Variants in SOX5 observed in about 807,000 individuals in gnomAD.
SOX5 encodes transcription factor SOX-5.
In SOX5, 9 loss-of-function variants were observed where a neutral mutation model predicts 92.0. The ratio of observed to expected loss-of-function variants is 0.10; its 90% CI spans 0.06 to 0.17. The LOEUF is 0.17. SOX5 is among the 10% of genes least tolerant of loss of function. The pLI, the probability that SOX5 is intolerant of heterozygous loss-of-function variation, is 1.00. For missense variants in SOX5, 642 were observed against 944.5 expected (o/e 0.68, Z 4.20); for synonymous variants, 344 against 336.3 (o/e 1.02, Z -0.25).
chr12:23,668,061 T>C (rs1217526586), intron 6 of SOX5, among the ~76,000 whole-genome samples: 1 of 152,156 alleles, frequency 6.6e-6, no homozygotes, highest in Non-Finnish European at 1.5e-5. Flanking sequence ...TTTAAAAAGC[T>C]CCCAAGCATA....
intron 1 of SOX5, among the ~76,000 whole-genome samples, chr12:24,559,868 A>G (rs1954165398): frequency 6.6e-6 from 1 of 152,310 alleles, no homozygotes; most frequent in Middle Eastern, 3.4e-3. Flanking sequence ...AACTAACTTA[A>G]TTTGAATTAG....
chr12:24,145,419 T>C (rs902079485), intron 4 of SOX5, among the ~76,000 whole-genome samples: 7 of 152,156 alleles, frequency 4.6e-5, no homozygotes, highest in African/African-American at 1.4e-4. Context: ...TCTAACTACG[T>C]GCACTTGACA....
intron 10 of SOX5, among the ~76,000 whole-genome samples, chr12:23,567,998 C>A (rs933644404): frequency 1.1e-4 from 17 of 151,990 alleles, no homozygotes; most frequent in African/African-American, 4.1e-4. Flanking sequence ...ATTGTGTCTG[C>A]CCAAAAGATA....
At chr12:24,033,824 A>T (rs1457966849) in intron 4 of SOX5, among the ~76,000 whole-genome samples, 2 of 152,102 alleles carry the variant, frequency 1.3e-5, no homozygotes, top group Admixed American at 1.3e-4. Context: ...AAAAGAAGAC[A>T]CAATGCTACC....
chr12:23,683,231 G>A (rs2086920864), intron 6 of SOX5, among the ~76,000 whole-genome samples: 1 of 151,850 alleles, frequency 6.6e-6, no homozygotes, highest in Non-Finnish European at 1.5e-5. Context: ...ATACATAATA[G>A]AGATTTCTTA....
rs58736325 is a variant in SOX5, at chr12:24,082,404, GAAAAAAAAAAAAAAAA to G, written c.-2+130923_-2+130938del. Among the ~76,000 whole-genome samples, 57 of 73,462 alleles carry G rather than the reference GAAAAAAAAAAAAAAAA, an allele frequency of 7.8e-4. 1 individual carries two copies. Among genetic ancestry groups the G allele is most frequent in the Admixed American group, 4.2e-3 (19 of 4,506 alleles). 48.2% of individuals were successfully genotyped at this position (73,462 alleles called of 152,430 possible). On this transcript the variant is annotated intron_variant, in intron 4 of 4. Transcript: ENST00000446891. ...TCACCAGGGCTGCTCCTTTCGAAAA[GAAAAAAAAAAAAAAAA>G]AAAAAAAAAAAAAAGATGTATCCAG...
At chr12:24,291,662 T>C (rs867286759) in intron 2 of SOX5, among the ~76,000 whole-genome samples, 5 of 152,254 alleles carry the variant, frequency 3.3e-5, no homozygotes, top group East Asian at 3.8e-4. Context: ...AAGTTACTAA[T>C]ATAGTATGTT....
rs549185220 is a variant in SOX5, at chr12:23,960,219, G to C, written c.-1-64195C>G. ...GAGCCCACATATGTTTACACAAGAA[G>C]AGAAAAAGTAAGCCACAGAGAGAAC... On this transcript the variant is annotated intron_variant, in intron 4 of 4. Coordinates refer to the SOX5 transcript ENST00000446891. 1.7e-3 allele frequency among the ~76,000 whole-genome samples: 252 copies of C among 152,104 alleles called. 2 individuals carry two copies. Among genetic ancestry groups the C allele is most frequent in the African/African-American group, 5.6e-3 (233 of 41,486 alleles).
intron 8 of SOX5, among the ~76,000 whole-genome samples, chr12:23,612,116 T>G (rs2137778463): frequency 6.6e-6 from 1 of 152,188 alleles, no homozygotes; most frequent in East Asian, 1.9e-4. Context: ...TTTATACGTA[T>G]TATCCTTTTC....
intron 1 of SOX5, among the ~76,000 whole-genome samples, chr12:24,421,792 G>T (rs968677690): frequency 6.6e-6 from 1 of 152,196 alleles, no homozygotes; most frequent in Non-Finnish European, 1.5e-5. Flanking sequence ...TTAAAAGTGT[G>T]CTCATTTTCC....
At chr12:23,781,665 ACTCTCT>A (rs140301844) in intron 3 of SOX5, among the ~76,000 whole-genome samples, 2 of 143,708 alleles carry the variant, frequency 1.4e-5, no homozygotes, top group Admixed American at 6.9e-5. Context: ...AATGTGTTGT[ACTCTCT>A]CTCTCTCTCT....
At chr12:23,563,204 C>T in intron 11 of SOX5, 54 bp downstream of exon 11, 7 of 1,384,250 alleles carry the variant, frequency 5.1e-6, no homozygotes, top group Non-Finnish European at 7.0e-6. Flanking sequence ...TTTAAAAAAG[C>T]ATTAGGCAAT....
chr12:24,301,535 T>A (rs56356923), intron 2 of SOX5, among the ~76,000 whole-genome samples: 3,071 of 152,258 alleles, frequency 0.02, 44 homozygotes, highest in Middle Eastern at 0.048. Context: ...AAAATGTAAC[T>A]TTGTGGAAAG....
chr12:24,109,373 C>T (rs751815313), intron 4 of SOX5, among the ~76,000 whole-genome samples: 3 of 151,988 alleles, frequency 2.0e-5, no homozygotes, highest in African/African-American at 7.2e-5. Flanking sequence ...ACTACAAAAG[C>T]GTTGCACCAA....
intron 6 of SOX5, among the ~76,000 whole-genome samples, chr12:23,687,319 G>GTA (rs1376233466): frequency 1.3e-5 from 2 of 151,954 alleles, no homozygotes; most frequent in Non-Finnish European, 2.9e-5. Flanking sequence ...GGAAGTTTGT[G>GTA]TATATATACA....
chr12:24,439,436 T>C (rs995812462), intron 1 of SOX5, among the ~76,000 whole-genome samples: 3 of 152,216 alleles, frequency 2.0e-5, no homozygotes, highest in African/African-American at 7.2e-5. Flanking sequence ...TTCATCTATC[T>C]AGAAGGACTA....
chr12:24,043,173 T>C (rs1211707944), intron 4 of SOX5, among the ~76,000 whole-genome samples: 1 of 152,200 alleles, frequency 6.6e-6, no homozygotes, highest in Non-Finnish European at 1.5e-5. Context: ...AAGGAAGTAA[T>C]TGTTTTTGTT....
intron 4 of SOX5, among the ~76,000 whole-genome samples, chr12:24,089,945 A>G (rs1277548697): frequency 2.0e-5 from 3 of 152,172 alleles, no homozygotes; most frequent in African/African-American, 7.2e-5. Context: ...GTTATATAGG[A>G]AATGGAAAGC....
intron 2 of SOX5, among the ~76,000 whole-genome samples, chr12:23,889,965 GTATT>G (rs1274992565): frequency 2.6e-5 from 4 of 152,094 alleles, no homozygotes; most frequent in Non-Finnish European, 5.9e-5. Flanking sequence ...TACACACACA[GTATT>G]TATTTCATAA....
Sources: gnomAD v4.1 joint callset for allele counts (sites outside exome capture counted in the v4.1 genomes callset) on GRCh38, gnomAD v4.1.1 for gene constraint, MANE v1.5 for transcripts, NCBI Gene and HGNC (gene_info 2026-07-23, HGNC 2026-07-21) for gene names.